The following KIF12 variants were observed in gnomAD, a reference collection of about 807,000 sequenced individuals.
The protein encoded by KIF12 is kinesin family member 12.
KIF12 carries 80 observed loss-of-function variants against 87.9 expected under a neutral mutation model. The ratio of observed to expected loss-of-function variants is 0.91; its 90% CI spans 0.76 to 1.10. The LOEUF (loss-of-function observed/expected upper bound fraction) is 1.10, where lower values mean the gene tolerates loss of function less well. Ranked by LOEUF, KIF12 falls within the 50% of genes least tolerant of loss-of-function variation. KIF12 has a pLI of 0.00. For synonymous variants in KIF12, 353 were observed against 348.5 expected (o/e 1.01, Z -0.14); for missense variants, 819 against 865.3 (o/e 0.95, Z 0.67).
At position 114,094,209 on chromosome 9, in the gene KIF12, C is replaced by T; in HGVS notation, c.1285G>A (p.Glu429Lys). The part of the protein sequence containing the change: ...AQRNLYGMLQ[E>K]FMLENERLRK... The stretch of plus-strand genomic sequence containing the variant: ...AGCCTCTCATTCTCTAGCATGAACT[C>T]CTGTAGCATCCCGTACAGGTTCCGC... Residue 429 changes from glutamate to lysine, a missense_variant, in exon 13 of 19, where the codon GAG becomes AAG. Physicochemically the swap from Glu to Lys is moderately conservative, Grantham distance 56. Coordinates refer to ENST00000640217, the MANE Select transcript of KIF12 (RefSeq NM_001388308.1). 6.2e-7 allele frequency: 1 copy of T among 1,613,984 alleles called. No individual in the cohort carries two copies. Among genetic ancestry groups the T allele is most frequent in the Non-Finnish European group, 8.5e-7 (1 of 1,180,008 alleles).
chr9:114,093,049 G>A (rs1277819245), intron 16 of KIF12, 180 bp downstream of exon 16: 1 of 1,168,036 alleles, frequency 8.6e-7, no homozygotes, highest in Non-Finnish European at 1.2e-6. Flanking sequence ...AGGGTGAGGA[G>A]GGGGGAGGGT....
Position 114,095,039 on chromosome 9 carries a change from C to T in KIF12, c.1103G>A (p.Arg368Gln), listed in dbSNP as rs527311501. The T allele has an allele frequency of 2.6e-5, 42 of 1,599,630 alleles. No individual in the cohort carries two copies. In the South Asian group the frequency reaches 4.1e-4, roughly 16 times the overall value. ...TATACTCACCTTGGGGGCCTGTGGTCGGGTGGTGACCCGCTGAGCTCGGCT... is the reference window on the plus strand; with the variant it reads ...TATACTCACCTTGGGGGCCTGTGGTTGGGTGGTGACCCGCTGAGCTCGGCT... ...YASRAQRVTTRPQAPKSPVAK... is the reference protein window; with the variant it reads ...YASRAQRVTTQPQAPKSPVAK... Residue 368 changes from arginine to glutamine, a missense_variant, in exon 11 of 19, where the codon CGA (arginine) becomes CAA (glutamine). Transcript: ENST00000640217.
In KIF12 at chr9:114,097,325, C is replaced by T. The variant is rs1847274032; in HGVS notation, c.622G>A (p.Ala208Thr). ...CCCGTTTGCAAAAGTTCCATCAGGG[C>T]CTCCAGACTCCCAAATTCCACCACC... is the stretch of plus-strand genomic sequence containing the variant. ...LRVVEFGSLE[A>T]LMELLQTGLS... Residue 208 changes from alanine (A) to threonine (T), a missense_variant, in exon 7 of 19, where the codon GCC (alanine) becomes ACC (threonine). Transcript: ENST00000640217. The T allele has an allele frequency of 3.7e-6, 6 of 1,609,706 alleles. No homozygotes were observed. The highest frequency in any genetic ancestry group is 1.3e-5 in the African/African-American group (1 of 74,502).
rs759996648 is a variant in KIF12 at position 114,097,433 on chromosome 9, G to A, written c.514C>T (p.Arg172Trp). ...GGAGACCCCAGGCTCAGCAAGTCCC[G>A]AACCTGGGAGGGGAGGGAGGAGGGT... ...SYLEIYNEQVRDLLSLGSPRP... is the reference protein window; with the variant it reads ...SYLEIYNEQVWDLLSLGSPRP... Residue 172 changes from arginine (R) to tryptophan (W), a missense_variant, in exon 7 of 19, where the codon CGG becomes TGG. By Grantham distance (101) the Arg-to-Trp change is moderately radical. Transcript: ENST00000640217. 8.2e-6 allele frequency: 13 copies of A among 1,589,882 alleles called. No individual in the cohort carries two copies. In the Admixed American group the frequency reaches 1.5e-4, roughly 18 times the overall value.
In KIF12 at chr9:114,097,419, G is replaced by A. The variant is rs1367878383; in HGVS notation, c.528C>T (p.Ser176=). 1.3e-6 allele frequency: 2 copies of A among 1,595,626 alleles called. No individual in the cohort carries two copies. The highest frequency in any genetic ancestry group is 1.7e-6 in the Non-Finnish European group (2 of 1,173,402). ...IYNEQVRDLL[S]LGSPRPLPVR... Reference sequence around the variant, plus strand: ...CAGGGAGGGGCCGGGGAGACCCCAGGCTCAGCAAGTCCCGAACCTGGGAGG... The same window carrying A: ...CAGGGAGGGGCCGGGGAGACCCCAGACTCAGCAAGTCCCGAACCTGGGAGG... The change falls in exon 7 of 19, where the codon AGC becomes AGT. Residue 176 remains serine (S), a synonymous_variant. Transcript: ENST00000640217.
rs773050639 is a variant in KIF12, at chr9:114,096,134, C to A, written c.812G>T (p.Gly271Val). Residue 271 changes from glycine to valine, a missense_variant, in exon 9 of 19, where the codon GGC becomes GTC. By Grantham distance (109) the Gly-to-Val change is moderately radical. Transcript: ENST00000640217. Reference sequence around the variant, plus strand: ...TCCCGTGGCTGCTACCTTCTCACTGCCTGCCAGGTCCACAAAGCACAGCTT... The same window carrying A: ...TCCCGTGGCTGCTACCTTCTCACTGACTGCCAGGTCCACAAAGCACAGCTT... ...GGKLCFVDLA[G>V]SEKVAATGSR... 1 of 1,613,900 alleles carries A rather than the reference C, an allele frequency of 6.2e-7. No individual in the cohort carries two copies. Among genetic ancestry groups the A allele is most frequent in the South Asian group, 1.1e-5 (1 of 91,082 alleles).
intron 18 of KIF12, 69 bp downstream of exon 18, chr9:114,092,264 T>C: frequency 6.7e-7 from 1 of 1,489,024 alleles, no homozygotes; most frequent in Admixed American, 2.3e-5. Context: ...GACTGAGGCC[T>C]GGAGAGGGTG....
intron 8 of KIF12, 71 bp from the exon 9 acceptor site, chr9:114,096,278 A>G: frequency 6.2e-7 from 1 of 1,605,954 alleles, no homozygotes; most frequent in Non-Finnish European, 8.5e-7. Context: ...TATGGGACCA[A>G]GAGTTTCCAT....
chr9:114,095,863 A>G (rs1847204408), intron 9 of KIF12, among the ~76,000 whole-genome samples, 188 bp downstream of exon 9: 1 of 152,248 alleles, frequency 6.6e-6, no homozygotes, highest in Non-Finnish European at 1.5e-5. Flanking sequence ...TACATTCATA[A>G]GCAGTGTTTT....
chr9:114,092,285 C>G, intron 18 of KIF12, 48 bp downstream of exon 18: 1 of 1,505,994 alleles, frequency 6.6e-7, no homozygotes, highest in East Asian at 2.3e-5. Context: ...GGTTCTACCC[C>G]AAGATCACAG....
chr9:114,093,106 G>A (rs1229513432), intron 16 of KIF12, 123 bp downstream of exon 16: 6 of 1,156,838 alleles, frequency 5.2e-6, no homozygotes, highest in Admixed American at 2.0e-5. Flanking sequence ...CCCTAGGCCA[G>A]CCATTCACTC....
In KIF12 at chr9:114,097,414, C is replaced by T; in HGVS notation, c.533G>A (p.Gly178Glu). The change falls in exon 7 of 19, where the codon GGG becomes GAG. Residue 178 changes from glycine (G) to glutamate (E), a missense_variant. Gly to Glu is a moderately conservative substitution (Grantham distance 98). Transcript: ENST00000640217. ...NEQVRDLLSL[G>E]SPRPLPVRWN... ...GCGAACAGGGAGGGGCCGGGGAGAC[C>T]CCAGGCTCAGCAAGTCCCGAACCTG... is the stretch of plus-strand genomic sequence containing the variant. The T allele has an allele frequency of 6.3e-7, 1 of 1,596,776 alleles. No individual in the cohort carries two copies. Among genetic ancestry groups the T allele is most frequent in the Non-Finnish European group, 8.5e-7 (1 of 1,173,968 alleles).
chr9:114,094,196 T>A lies in KIF12; in HGVS notation c.1298A>T (p.Glu433Val), dbSNP rs749593592. The A allele has an allele frequency of 1.2e-5, 20 of 1,613,838 alleles. No homozygotes were observed. The highest frequency in any genetic ancestry group is 1.7e-5 in the Non-Finnish European group (20 of 1,179,922). Residue 433 changes from glutamate to valine, a missense_variant, in exon 13 of 19, where the codon GAG (glutamate) becomes GTG (valine). Physicochemically the swap from Glu to Val is moderately radical, Grantham distance 121. Transcript: ENST00000640217. ...LYGMLQEFML[E>V]NERLRKEKSQ... ...TGTGCCCTACCTGAGCCTCTCATTCTCTAGCATGAACTCCTGTAGCATCCC... is the reference window on the plus strand; with the variant it reads ...TGTGCCCTACCTGAGCCTCTCATTCACTAGCATGAACTCCTGTAGCATCCC...
At position 114,095,030 on chromosome 9, in the gene KIF12, G is replaced by A. The variant is rs150717494; in HGVS notation, c.1112C>T (p.Ala371Val). Residue 371 changes from alanine to valine, a missense_variant, in exon 11 of 19, where the codon GCC becomes GTC. Ala to Val is a moderately conservative substitution (Grantham distance 64). Coordinates refer to ENST00000640217, the MANE Select transcript of KIF12 (RefSeq NM_001388308.1). ...RAQRVTTRPQ[A>V]PKSPVAKQPQ... ...GTGCCTGCCTATACTCACCTTGGGGGCCTGTGGTCGGGTGGTGACCCGCTG... is the reference window on the plus strand; with the variant it reads ...GTGCCTGCCTATACTCACCTTGGGGACCTGTGGTCGGGTGGTGACCCGCTG... 5.0e-6 allele frequency: 8 copies of A among 1,591,662 alleles called. No homozygotes were observed. In the African/African-American group the frequency reaches 6.7e-5, roughly 13 times the overall value.
In KIF12 at chr9:114,097,056, C is replaced by G. The variant is rs534731415; in HGVS notation, c.646+245G>C. Among the ~76,000 whole-genome samples, 3 of 152,272 alleles carry G rather than the reference C, an allele frequency of 2.0e-5. No individual in the cohort carries two copies. In the South Asian group the frequency reaches 6.2e-4, roughly 32 times the overall value. On this transcript the variant is annotated intron_variant, in intron 7 of 18. Coordinates refer to ENST00000640217, the MANE Select transcript of KIF12 (RefSeq NM_001388308.1). Reference sequence around the variant, plus strand: ...AGCAAGAATGAGTCCTGGCGGAGGCCGAGGCCCTGGGCTAGAGAGGAGAGG... The same window carrying G: ...AGCAAGAATGAGTCCTGGCGGAGGCGGAGGCCCTGGGCTAGAGAGGAGAGG...
In KIF12 at chr9:114,099,184, G is replaced by A. The variant is rs1321866703; in HGVS notation, c.27-15C>T. ...GCGCGAGATCCCTGTGGGCAGCAAT[G>A]CGACTTATCATACCTGCACCTAGCG... On this transcript the variant is annotated splice_polypyrimidine_tract_variant and intron_variant, in intron 1 of 18. Coordinates refer to ENST00000640217, the MANE Select transcript of KIF12 (RefSeq NM_001388308.1). 19 of 1,549,750 alleles carry A rather than the reference G, an allele frequency of 1.2e-5. No individual in the cohort carries two copies. The highest frequency in any genetic ancestry group is 3.9e-5 in the Admixed American group (2 of 50,986).
chr9:114,098,270 C>T (rs774613372), intron 4 of KIF12, 32 bp downstream of exon 4: 1 of 1,504,558 alleles, frequency 6.6e-7, no homozygotes, highest in South Asian at 1.3e-5. Flanking sequence ...CCCGCCAGGC[C>T]CGGCGCGGAG....
rs1847170779 is a variant in KIF12 at position 114,095,195 on chromosome 9, C to A, written c.1014+19G>T. ...CTTCCTCAAGACCCAACCTTCCCTG[C>A]CAGGCCCCGCTTAAGTACCATGAGG... is the stretch of plus-strand genomic sequence containing the variant. On this transcript the variant is annotated intron_variant, in intron 10 of 18. Coordinates refer to ENST00000640217, the MANE Select transcript of KIF12 (RefSeq NM_001388308.1). 6.2e-7 allele frequency: 1 copy of A among 1,612,572 alleles called. No homozygotes were observed. The highest frequency in any genetic ancestry group is 1.7e-5 in the Admixed American group (1 of 59,964).
rs906187216 is a variant in KIF12 at position 114,099,019 on chromosome 9, G to A, written c.93-6C>T. 7 of 1,550,232 alleles carry A rather than the reference G, an allele frequency of 4.5e-6. No homozygotes were observed. In the African/African-American group the frequency reaches 8.2e-5, roughly 18 times the overall value. ...CCGCGCTCATGGGACGTACCCTGGG[G>A]TCCGACAGAAGGGCAGATGGTACAT... is the stretch of plus-strand genomic sequence containing the variant. On this transcript the variant is annotated splice_polypyrimidine_tract_variant and splice_region_variant and intron_variant, in intron 2 of 18. Coordinates refer to ENST00000640217, the MANE Select transcript of KIF12 (RefSeq NM_001388308.1).
Sources: allele counts gnomAD v4.1 joint callset (sites outside exome capture counted in the v4.1 genomes callset), GRCh38; gene constraint gnomAD v4.1.1; transcripts MANE v1.5; gene names NCBI Gene and HGNC (gene_info 2026-07-23, HGNC 2026-07-21).